The following DSCAM variants were observed in gnomAD, a reference collection of about 807,000 sequenced individuals.
The protein encoded by DSCAM is cell adhesion molecule DSCAM.
Under a neutral mutation model 217.7 loss-of-function variants are expected in DSCAM, and 47 were observed. That is an observed-to-expected ratio of 0.22 (90% CI 0.17 to 0.28). The LOEUF is 0.28. Ranked by LOEUF, DSCAM falls within the 10% of genes least tolerant of loss-of-function variation. DSCAM has a pLI of 1.00. For missense variants in DSCAM, 2,080 were observed against 2,618.3 expected (o/e 0.79, Z 4.49); for synonymous variants, 1,056 against 1,015.3 (o/e 1.04, Z -0.76).
In DSCAM at chr21:40,782,087, C is replaced by T. The variant is rs374977113; in HGVS notation, c.43+64532G>A. 4.0e-3 allele frequency among the ~76,000 whole-genome samples: 600 copies of T among 151,468 alleles called. 3 individuals are homozygous for T. The highest frequency in any genetic ancestry group is 0.013 in the African/African-American group (542 of 41,286). The stretch of plus-strand genomic sequence containing the variant: ...TCGGGAGGCTGAGGCAGGAGAATGG[C>T]GTGAACCCGGGAGGCGGAGCTTGCA... On this transcript the variant is annotated intron_variant, in intron 1 of 32. Transcript: ENST00000400454.
intron 32 of DSCAM, 97 bp downstream of exon 32, chr21:40,042,274 G>T: frequency 6.0e-6 from 8 of 1,324,912 alleles, no homozygotes; most frequent in Non-Finnish European, 7.3e-6. Context: ...GCACCCATTT[G>T]GTCTGAACAC....
rs1043461616 is a variant in DSCAM at position 40,646,022 on chromosome 21, G to A, written c.508+46788C>T. Among the ~76,000 whole-genome samples the A allele has an allele frequency of 2.3e-4, 35 of 152,210 alleles. No individual in the cohort carries two copies. In the East Asian group the frequency reaches 2.3e-3, roughly 10 times the overall value. ...GATACCGTTCTTGGAGGCGGTGGAGGAGATAAAGTACCACCATGAAGTTTG... is the reference window on the plus strand; with the variant it reads ...GATACCGTTCTTGGAGGCGGTGGAGAAGATAAAGTACCACCATGAAGTTTG... On this transcript the variant is annotated intron_variant, in intron 3 of 32. Coordinates refer to ENST00000400454, the MANE Select transcript of DSCAM (RefSeq NM_001389.5).
chr21:40,398,001 G>T (rs1187204418), intron 3 of DSCAM, among the ~76,000 whole-genome samples: 1 of 149,486 alleles, frequency 6.7e-6, no homozygotes, highest in East Asian at 1.9e-4. Flanking sequence ...AGCACCCGGA[G>T]CATTACTCCT....
chr21:40,708,324 A>G, intron 2 of DSCAM, 130 bp downstream of exon 2: 1 of 718,458 alleles, frequency 1.4e-6, no homozygotes, highest in Non-Finnish European at 2.0e-6. Flanking sequence ...AGTCATCAGC[A>G]AGGTCAGAAT....
chr21:40,063,738 G>T (rs893092324), intron 27 of DSCAM, among the ~76,000 whole-genome samples: 1 of 152,188 alleles, frequency 6.6e-6, no homozygotes, highest in Non-Finnish European at 1.5e-5. Context: ...GAAAGTATAC[G>T]TATGTGGGAG....
At chr21:40,327,240 G>C (rs1233098071) in intron 8 of DSCAM, among the ~76,000 whole-genome samples, 1 of 152,120 alleles carries the variant, frequency 6.6e-6, no homozygotes, top group Non-Finnish European at 1.5e-5. Context: ...AAAAGTGTTA[G>C]TAATTTGCTT....
At chr21:40,431,676 CA>C (rs935273010) in intron 3 of DSCAM, among the ~76,000 whole-genome samples, 76 of 152,218 alleles carry the variant, frequency 5.0e-4, no homozygotes, top group African/African-American at 1.7e-3. Flanking sequence ...ATATATAATG[CA>C]AAAAATATGT....
chr21:40,300,536 C>G (rs1537110), intron 9 of DSCAM, among the ~76,000 whole-genome samples: 26,106 of 152,090 alleles, frequency 0.17, 4,030 homozygotes, highest in African/African-American at 0.4. Flanking sequence ...TAAGGGGATG[C>G]GGCCCTCTCT....
At chr21:40,718,916 A>G (rs1182138974) in intron 1 of DSCAM, among the ~76,000 whole-genome samples, 1 of 152,042 alleles carries the variant, frequency 6.6e-6, no homozygotes, top group Non-Finnish European at 1.5e-5. Context: ...GCTTGAGCCC[A>G]GGAATTCAAG....
intron 20 of DSCAM, among the ~76,000 whole-genome samples, chr21:40,097,784 AC>A (rs1490597140): frequency 6.6e-6 from 1 of 151,780 alleles, no homozygotes; most frequent in African/African-American, 2.4e-5. Context: ...TACTAAAAAC[AC>A]AAAAAATTAG....
At chr21:40,617,951 T>C (rs1315231614) in intron 3 of DSCAM, among the ~76,000 whole-genome samples, 1 of 152,198 alleles carries the variant, frequency 6.6e-6, no homozygotes, top group Non-Finnish European at 1.5e-5. Flanking sequence ...ACCCACCCAC[T>C]TTGCAACACA....
At chr21:40,620,071 GAA>G (rs2089465853) in intron 3 of DSCAM, among the ~76,000 whole-genome samples, 6 of 59,518 alleles carry the variant, frequency 1.0e-4, no homozygotes, top group Non-Finnish European at 1.4e-4. Context: ...AAGAAAGAGA[GAA>G]AGAGAAAAAA....
chr21:40,213,609 T>C (rs2091208856), intron 11 of DSCAM, among the ~76,000 whole-genome samples: 1 of 152,210 alleles, frequency 6.6e-6, no homozygotes, highest in East Asian at 1.9e-4. Flanking sequence ...GAAAACATCT[T>C]AGGCAGCCAC....
chr21:40,377,253 G>C (rs917041740), intron 3 of DSCAM, among the ~76,000 whole-genome samples: 2 of 152,130 alleles, frequency 1.3e-5, no homozygotes, highest in African/African-American at 4.8e-5. Flanking sequence ...TCAGGGACTT[G>C]CCCCAGTTTA....
chr21:40,828,742 G>A (rs1390842688), intron 1 of DSCAM, among the ~76,000 whole-genome samples: 8 of 144,986 alleles, frequency 5.5e-5, no homozygotes, highest in Admixed American at 2.1e-4. Flanking sequence ...TGCAACCTCC[G>A]CCTTCTGAGC....
chr21:40,769,253 T>C (rs1326131336), intron 1 of DSCAM, among the ~76,000 whole-genome samples: 2 of 152,246 alleles, frequency 1.3e-5, no homozygotes, highest in African/African-American at 4.8e-5. Flanking sequence ...TAGTTGGTCC[T>C]GAGCCAAGTA....
intron 8 of DSCAM, among the ~76,000 whole-genome samples, chr21:40,312,715 G>A (rs1447738062): frequency 2.0e-5 from 3 of 152,150 alleles, no homozygotes; most frequent in African/African-American, 7.2e-5. Flanking sequence ...TACAAGAGGA[G>A]GTTTCTTTCC....
At chr21:40,220,037 C>T (rs1169887525) in intron 11 of DSCAM, among the ~76,000 whole-genome samples, 1 of 152,174 alleles carries the variant, frequency 6.6e-6, no homozygotes, top group Non-Finnish European at 1.5e-5. Flanking sequence ...TTCTAACAAA[C>T]AGCTGTAAAC....
intron 3 of DSCAM, among the ~76,000 whole-genome samples, chr21:40,631,567 G>C (rs2089691900): frequency 6.6e-6 from 1 of 152,112 alleles, no homozygotes; most frequent in African/African-American, 2.4e-5. Context: ...CTTTTGTCCT[G>C]TCCCTCAGGC....
Sources: gnomAD v4.1 joint callset for allele counts (sites outside exome capture counted in the v4.1 genomes callset) on GRCh38, gnomAD v4.1.1 for gene constraint, MANE v1.5 for transcripts, NCBI Gene and HGNC (gene_info 2026-07-23, HGNC 2026-07-21) for gene names.